Variants in ERAP1 observed in about 807,000 individuals in gnomAD.
ERAP1 encodes the protein endoplasmic reticulum aminopeptidase 1, also known as adipocyte-derived leucine aminopeptidase.
Under a neutral mutation model 103.7 loss-of-function variants are expected in ERAP1, and 86 were observed. The ratio of observed to expected loss-of-function variants is 0.83; its 90% CI spans 0.70 to 0.99. The LOEUF (loss-of-function observed/expected upper bound fraction) is 0.99. Among genes scored for constraint, ERAP1 ranks in the 50% least tolerant of loss-of-function variants. The pLI, the probability that ERAP1 is intolerant of heterozygous loss-of-function variation, is 0.00. For missense variants in ERAP1, 1,009 were observed against 1,128.4 expected (o/e 0.89, Z 1.52); for synonymous variants, 398 against 402.4 (o/e 0.99, Z 0.13).
chr5:96,814,516 A>G, the ERAP1 span, among the ~76,000 whole-genome samples: 2 of 152,220 alleles, frequency 1.3e-5, no homozygotes, highest in African/African-American at 4.8e-5. Context: ...AATTGGGAAG[A>G]AATTACAGAA....
the ERAP1 span, among the ~76,000 whole-genome samples, chr5:96,855,375 T>C: frequency 1.2e-3 from 185 of 152,334 alleles, 1 homozygote; most frequent in African/African-American, 4.3e-3. Flanking sequence ...GCTCTAAGAA[T>C]GTAAACAGAG....
At chr5:96,827,057 G>A in the ERAP1 span, among the ~76,000 whole-genome samples, 37 of 152,214 alleles carry the variant, frequency 2.4e-4, no homozygotes, top group African/African-American at 8.7e-4. Context: ...TGAAACTTTT[G>A]TGACAATGTT....
At chr5:96,921,587 T>C in the ERAP1 span, among the ~76,000 whole-genome samples, 9 of 152,238 alleles carry the variant, frequency 5.9e-5, no homozygotes, top group Non-Finnish European at 1.3e-4. Flanking sequence ...CTACAATCTT[T>C]CCTTCCCAAC....
chr5:96,872,443 T>C, the ERAP1 span, among the ~76,000 whole-genome samples: 12 of 151,684 alleles, frequency 7.9e-5, no homozygotes, highest in East Asian at 1.9e-3. Context: ...TACAAAAAAT[T>C]AAAAAATTAG....
chr5:96,795,754 A>G (rs1195564348), intron 4 of ERAP1, among the ~76,000 whole-genome samples: 2 of 152,238 alleles, frequency 1.3e-5, no homozygotes, highest in African/African-American at 4.8e-5. Flanking sequence ...AGCAAATACA[A>G]TTTCTCTCTG....
At chr5:96,892,516 C>T in the ERAP1 span, 1 of 1,573,208 alleles carries the variant, frequency 6.4e-7, no homozygotes. Flanking sequence ...AGAACACGAC[C>T]AATCTTCCTG....
At chr5:96,920,104 A>G in the ERAP1 span, among the ~76,000 whole-genome samples, 3 of 152,206 alleles carry the variant, frequency 2.0e-5, no homozygotes, top group African/African-American at 7.2e-5. Flanking sequence ...CGAGCCCAGG[A>G]GTTCAAGATC....
chr5:96,852,255 T>C, the ERAP1 span, among the ~76,000 whole-genome samples: 1 of 152,198 alleles, frequency 6.6e-6, no homozygotes, highest in Admixed American at 6.5e-5. Context: ...AGATAAAATA[T>C]TGTTTTTATG....
Position 96,781,697 on chromosome 5 carries a change from G to A in ERAP1, c.2443C>T (p.Gln815Ter). Residue 815 changes from glutamine (Q) to a stop codon, truncating the protein, a stop_gained, in exon 16 of 19, where the codon CAA (glutamine) becomes TAA (stop). Coordinates refer to ENST00000443439, the MANE Select transcript of ERAP1 (RefSeq NM_001040458.3). LOFTEE classifies it high-confidence loss of function. Reference protein sequence around the residue: ...LCRTQNKEKLQWLLDESFKGD... With the variant: ...LCRTQNKEKL ...ATGAATGAATGACGGACTCACCATT[G>A]AAGCTTTTCCTTATTTTGGGTTCTG... The A allele has an allele frequency of 1.9e-6, 3 of 1,614,054 alleles. No individual in the cohort carries two copies. Among genetic ancestry groups the A allele is most frequent in the Non-Finnish European group, 2.5e-6 (3 of 1,180,002 alleles).
At chr5:96,844,230 T>C in the ERAP1 span, among the ~76,000 whole-genome samples, 1 of 152,200 alleles carries the variant, frequency 6.6e-6, no homozygotes, top group Non-Finnish European at 1.5e-5. Context: ...TCTTCAACAA[T>C]TGGTTCTCCC....
At chr5:96,925,904 T>A in the ERAP1 span, among the ~76,000 whole-genome samples, 1 of 147,376 alleles carries the variant, frequency 6.8e-6, no homozygotes, top group Non-Finnish European at 1.5e-5. Flanking sequence ...ACTCACAGTA[T>A]AATTTGCTTT....
At chr5:96,934,892 G>A in the ERAP1 span, 1 of 153,116 alleles carries the variant, frequency 6.5e-6, no homozygotes, top group East Asian at 1.9e-4. Context: ...GGCGCGCTGG[G>A]AGGGCGGCGG....
At chr5:96,815,438 T>G in the ERAP1 span, among the ~76,000 whole-genome samples, 17 of 135,392 alleles carry the variant, frequency 1.3e-4, no homozygotes, top group Non-Finnish European at 2.3e-4. Flanking sequence ...TGAGATGGGA[T>G]TTTGCTCTTG....
chr5:96,863,610 T>G, the ERAP1 span, among the ~76,000 whole-genome samples: 1 of 137,004 alleles, frequency 7.3e-6, no homozygotes, highest in South Asian at 2.2e-4. Flanking sequence ...TCTTTCTCTT[T>G]TTACTCTGTA....
chr5:96,890,508 G>A, the ERAP1 span, among the ~76,000 whole-genome samples: 61 of 152,292 alleles, frequency 4.0e-4, no homozygotes, highest in African/African-American at 1.3e-3. Flanking sequence ...AGGGACCCCT[G>A]TTGTAGAGCA....
At chr5:96,855,098 A>C in the ERAP1 span, among the ~76,000 whole-genome samples, 1 of 152,238 alleles carries the variant, frequency 6.6e-6, no homozygotes, top group Admixed American at 6.5e-5. Context: ...AAGCTTGACT[A>C]TAATGGGTTT....
chr5:96,914,148 T>TCTCTCTCA, the ERAP1 span, among the ~76,000 whole-genome samples: 174 of 148,078 alleles, frequency 1.2e-3, no homozygotes, highest in African/African-American at 3.6e-3. Context: ...TCTCTCTCTC[T>TCTCTCTCA]CACACACACA....
chr5:96,836,862 T>G, the ERAP1 span, among the ~76,000 whole-genome samples: 1 of 152,244 alleles, frequency 6.6e-6, no homozygotes, highest in Non-Finnish European at 1.5e-5. Flanking sequence ...ACTTACCTTG[T>G]TTTGATTAAT....
chr5:96,896,585 G>A, the ERAP1 span: 1 of 1,499,446 alleles, frequency 6.7e-7, no homozygotes, highest in Non-Finnish European at 9.0e-7. Context: ...TAAGTCACTG[G>A]TGCCAGTTCC....
Sources: allele counts gnomAD v4.1 joint callset (sites outside exome capture counted in the v4.1 genomes callset), GRCh38; gene constraint gnomAD v4.1.1; transcripts MANE v1.5; gene names NCBI Gene and HGNC (gene_info 2026-07-23, HGNC 2026-07-21).